The following PSD3 variants were observed in gnomAD, a reference collection of about 807,000 sequenced individuals.
The protein encoded by PSD3 is pleckstrin and Sec7 domain containing 3, also known as PH and SEC7 domain-containing protein 3.
PSD3 carries 49 observed loss-of-function variants against 105.5 expected under a neutral mutation model. The observed-to-expected ratio is 0.46, with a 90% CI of 0.37 to 0.59. PSD3 has a LOEUF of 0.59. Ranked by LOEUF, PSD3 falls within the 20% of genes least tolerant of loss-of-function variation. The pLI is 0.00. For synonymous variants in PSD3, 557 were observed against 457.8 expected (o/e 1.22, Z -2.77); for missense variants, 1,561 against 1,263.8 (o/e 1.24, Z -3.57).
intron 15 of PSD3, among the ~76,000 whole-genome samples, chr8:18,542,752 A>T (rs1357184959): frequency 6.6e-6 from 1 of 151,948 alleles, no homozygotes; most frequent in Non-Finnish European, 1.5e-5. Flanking sequence ...CATTCTCTGA[A>T]ATTGTTGTTT....
chr8:19,066,398 T>C (rs142034710), intron 1 of PSD3, among the ~76,000 whole-genome samples: 2,359 of 152,298 alleles, frequency 0.015, 66 homozygotes, highest in African/African-American at 0.053. Context: ...AATTAGAAAG[T>C]AGCTTGTTTT....
chr8:18,796,600 T>C (rs1810200723), intron 8 of PSD3, among the ~76,000 whole-genome samples: 1 of 152,180 alleles, frequency 6.6e-6, no homozygotes, highest in Admixed American at 6.5e-5. Context: ...GCATTCTCAG[T>C]GCCTCATTCC....
intron 13 of PSD3, among the ~76,000 whole-genome samples, chr8:18,574,830 G>A (rs1488889425): frequency 6.6e-6 from 1 of 152,112 alleles, no homozygotes; most frequent in South Asian, 2.1e-4. Context: ...CTCATTTTGC[G>A]ATAAAACTTG....
chr8:18,676,866 C>T (rs79508292), intron 9 of PSD3, among the ~76,000 whole-genome samples: 5 of 152,196 alleles, frequency 3.3e-5, no homozygotes, highest in Non-Finnish European at 5.9e-5. Context: ...GAGCACAAGC[C>T]CTGATTTGAA....
chr8:18,630,178 T>C (rs1477291811), intron 11 of PSD3, among the ~76,000 whole-genome samples: 3 of 151,532 alleles, frequency 2.0e-5, no homozygotes, highest in Admixed American at 6.6e-5. Context: ...CAGGACGAAC[T>C]TCCTAACTTG....
At chr8:18,575,594 C>G (rs952508253) in intron 12 of PSD3, among the ~76,000 whole-genome samples, 1 of 152,034 alleles carries the variant, frequency 6.6e-6, no homozygotes, top group African/African-American at 2.4e-5. Context: ...AAATATCTAT[C>G]GTACACATTT....
intron 9 of PSD3, among the ~76,000 whole-genome samples, chr8:18,727,491 CAG>C (rs1376610946): frequency 6.0e-5 from 9 of 150,398 alleles, no homozygotes; most frequent in African/African-American, 2.2e-4. Flanking sequence ...GCCTGGGTAA[CAG>C]AGCAAGATTC....
chr8:18,904,749 G>A (rs1200413953), intron 2 of PSD3, among the ~76,000 whole-genome samples: 2 of 152,124 alleles, frequency 1.3e-5, no homozygotes, highest in East Asian at 1.9e-4. Context: ...ACCTTTCTGG[G>A]CCATAAGGTC....
intron 6 of PSD3, chr8:18,802,281 G>A (rs934623856): frequency 1.2e-5 from 4 of 345,342 alleles, no homozygotes; most frequent in African/African-American, 4.2e-5. Flanking sequence ...TAATCTACTC[G>A]GAGTCACTAA....
In PSD3 at chr8:18,530,555, T is replaced by G. The variant is rs1390401386; in HGVS notation, c.*5188A>C. 6.6e-6 allele frequency: 1 copy of G among 152,660 alleles called. No homozygotes were observed. The highest frequency in any genetic ancestry group is 1.5e-5 in the Non-Finnish European group (1 of 68,044). 9.5% of individuals were successfully genotyped at this position (152,660 alleles called of 1,614,324 possible). ...ACTTAATTCTTCCGAAAGCTATATT[T>G]TTTATGGACTAATTACAACAACAAT... On this transcript the variant is annotated 3_prime_UTR_variant, in exon 16 of 16. Coordinates refer to ENST00000327040, the MANE Select transcript of PSD3 (RefSeq NM_015310.4).
At chr8:18,842,456 G>T (rs926509588) in intron 4 of PSD3, among the ~76,000 whole-genome samples, 1 of 152,212 alleles carries the variant, frequency 6.6e-6, no homozygotes, top group African/African-American at 2.4e-5. Context: ...GGCTTTGGCC[G>T]GGCGCGGTGG....
intron 4 of PSD3, among the ~76,000 whole-genome samples, chr8:18,824,736 T>A (rs1012968660): frequency 3.9e-5 from 6 of 152,052 alleles, no homozygotes; most frequent in Non-Finnish European, 8.8e-5. Context: ...AGAACAGAGA[T>A]CAAGATGGCT....
At chr8:18,657,843 G>T (rs984073770) in intron 9 of PSD3, among the ~76,000 whole-genome samples, 1 of 152,174 alleles carries the variant, frequency 6.6e-6, no homozygotes, top group African/African-American at 2.4e-5. Context: ...ATTACCCAGA[G>T]TAATTCAAAA....
intron 10 of PSD3, among the ~76,000 whole-genome samples, chr8:18,635,694 C>G (rs1339306121): frequency 6.6e-6 from 1 of 152,046 alleles, no homozygotes; most frequent in East Asian, 1.9e-4. Context: ...CTATGGAATA[C>G]TATGGAGTCA....
At chr8:18,730,093 G>A (rs2129430826) in intron 9 of PSD3, 1 of 152,290 alleles carries the variant, frequency 6.6e-6, no homozygotes, top group South Asian at 2.1e-4. Context: ...ATATGCTCAA[G>A]TATTGCCTCT....
chr8:18,572,001 T>C (rs1234199293), intron 14 of PSD3, among the ~76,000 whole-genome samples: 1 of 152,196 alleles, frequency 6.6e-6, no homozygotes, highest in Non-Finnish European at 1.5e-5. Flanking sequence ...GTAAATACAC[T>C]TGGAGCAGAG....
At chr8:18,765,051 T>C (rs962386177) in intron 9 of PSD3, among the ~76,000 whole-genome samples, 8 of 152,198 alleles carry the variant, frequency 5.3e-5, no homozygotes, top group African/African-American at 1.7e-4. Flanking sequence ...CATGAGTGGC[T>C]CTGAGACTAG....
At chr8:18,827,979 T>C (rs551496492) in intron 4 of PSD3, among the ~76,000 whole-genome samples, 1 of 147,680 alleles carries the variant, frequency 6.8e-6, no homozygotes, top group East Asian at 2.0e-4. Context: ...TTAAATCATT[T>C]GGGTCTCATA....
chr8:18,804,890 C>G lies in PSD3; in HGVS notation c.1643G>C (p.Gly548Ala). 1.2e-6 allele frequency: 2 copies of G among 1,602,680 alleles called. No homozygotes were observed. The highest frequency in any genetic ancestry group is 1.7e-6 in the Non-Finnish European group (2 of 1,173,752). The stretch of plus-strand genomic sequence containing the variant: ...AGCTTCTAGCCGTGTTGTTTTCACC[C>G]CAGCATTGCTATGATAATTGATAAA... ...PEIAFWGSNA[G>A]VKTTRLEAHS... Residue 548 changes from glycine to alanine, a missense_variant, in exon 5 of 16, where the codon GGG (glycine) becomes GCG (alanine). Physicochemically the swap from Gly to Ala is moderately conservative, Grantham distance 60. Transcript: ENST00000327040.
Sources: gnomAD v4.1 joint callset for allele counts (sites outside exome capture counted in the v4.1 genomes callset) on GRCh38, gnomAD v4.1.1 for gene constraint, MANE v1.5 for transcripts, NCBI Gene and HGNC (gene_info 2026-07-23, HGNC 2026-07-21) for gene names.